The following SH3KBP1 variants were observed in gnomAD, a reference collection of about 807,000 sequenced individuals.
SH3KBP1 encodes the protein SH3 domain-containing kinase-binding protein 1.
In SH3KBP1, 8 loss-of-function variants were observed where a neutral mutation model predicts 50.1. That is an observed-to-expected ratio of 0.16 (90% CI 0.09 to 0.29). The LOEUF is 0.29. Ranked by LOEUF, SH3KBP1 falls within the 10% of genes least tolerant of loss-of-function variation. The probability of loss-of-function intolerance (pLI) is 1.00; values close to 1 mark genes in which losing one functional copy is unlikely to be tolerated. For missense variants in SH3KBP1, 377 were observed against 535.2 expected (o/e 0.70, Z 2.92); for synonymous variants, 227 against 218.6 (o/e 1.04, Z -0.34).
intron 16 of SH3KBP1, among the ~76,000 whole-genome samples, chrX:19,538,352 A>ACAC (rs2064779650): frequency 9.1e-6 from 1 of 109,988 alleles, no homozygotes; most frequent in Non-Finnish European, 1.9e-5. Context: ...CTACAAGCGC[A>ACAC]CACCACCATG....
intron 1 of SH3KBP1, among the ~76,000 whole-genome samples, chrX:19,861,356 G>A (rs1402963174): frequency 9.1e-6 from 1 of 109,372 alleles, no homozygotes; most frequent in Non-Finnish European, 1.9e-5. Flanking sequence ...CAGCCTGGGC[G>A]ACAGAGCAAG....
chrX:19,800,370 G>C (rs752334514), intron 2 of SH3KBP1, among the ~76,000 whole-genome samples: 5 of 112,266 alleles, frequency 4.5e-5, no homozygotes, highest in African/African-American at 1.6e-4. Context: ...AATTATACTT[G>C]AAAGTCCATT....
chrX:19,773,883 AAAAG>A (rs2065876793), intron 2 of SH3KBP1, among the ~76,000 whole-genome samples: 1 of 105,059 alleles, frequency 9.5e-6, no homozygotes, highest in Non-Finnish European at 2.0e-5. Flanking sequence ...AAAAAAAAAA[AAAAG>A]AATCATCATT....
At chrX:19,755,690 G>A (rs759710763) in intron 2 of SH3KBP1, among the ~76,000 whole-genome samples, 64 of 112,167 alleles carry the variant, frequency 5.7e-4, no homozygotes, top group African/African-American at 2.0e-3. Context: ...AAAGAGAAGC[G>A]AAACTAAAGG....
intron 3 of SH3KBP1, among the ~76,000 whole-genome samples, chrX:19,719,164 C>T (rs2063990850): frequency 9.0e-6 from 1 of 111,642 alleles, no homozygotes; most frequent in Admixed American, 9.5e-5. Context: ...CTGTCTGTCT[C>T]CATCTTTTCA....
chrX:19,826,685 AATAACATAACATAAC>A (rs3036641), intron 2 of SH3KBP1, among the ~76,000 whole-genome samples: 1,985 of 89,652 alleles, frequency 0.022, 26 homozygotes, highest in African/African-American at 0.034. Context: ...ACTGTCTCTA[AATAACATAACATAAC>A]ATAACATAAC....
intron 1 of SH3KBP1, among the ~76,000 whole-genome samples, chrX:19,856,120 T>A (rs745894473): frequency 1.1e-4 from 11 of 103,384 alleles, no homozygotes; most frequent in South Asian, 4.2e-4. Flanking sequence ...GGAAAGCTTT[T>A]AAAAAAAAAA....
intron 5 of SH3KBP1, among the ~76,000 whole-genome samples, chrX:19,688,189 A>T (rs2063208344): frequency 8.9e-6 from 1 of 111,889 alleles, no homozygotes; most frequent in Non-Finnish European, 1.9e-5. Flanking sequence ...TCATGTCCCC[A>T]AGATTCTAAA....
chrX:19,723,206 T>C (rs998640294), intron 3 of SH3KBP1, among the ~76,000 whole-genome samples: 1 of 110,460 alleles, frequency 9.1e-6, no homozygotes, highest in Non-Finnish European at 1.9e-5. Context: ...AATTCCACTT[T>C]CAGGAAGTTA....
intron 7 of SH3KBP1, among the ~76,000 whole-genome samples, chrX:19,636,596 A>G (rs1489627780): frequency 8.9e-6 from 1 of 112,153 alleles, no homozygotes; most frequent in Non-Finnish European, 1.9e-5. Flanking sequence ...ATAATATTAA[A>G]AACAGACTGT....
chrX:19,650,202 C>T (rs761565881), intron 6 of SH3KBP1, among the ~76,000 whole-genome samples: 4 of 111,981 alleles, frequency 3.6e-5, no homozygotes, highest in Non-Finnish European at 7.5e-5. Context: ...GTCTGAGAAG[C>T]TATCCATAGA....
intron 1 of SH3KBP1, among the ~76,000 whole-genome samples, chrX:19,851,722 A>G (rs1405324173): frequency 1.8e-5 from 2 of 111,400 alleles, no homozygotes; most frequent in Non-Finnish European, 3.8e-5. Context: ...TTTTTTGTAG[A>G]GAAGGGGTCT....
chrX:19,760,023 CCTCTCTCT>C (rs375944570), intron 2 of SH3KBP1, among the ~76,000 whole-genome samples: 1 of 83,582 alleles, frequency 1.2e-5, no homozygotes, highest in East Asian at 3.5e-4. Flanking sequence ...CTCTCTCTCT[CCTCTCTCT>C]CTCTCTCTCC....
intron 1 of SH3KBP1, among the ~76,000 whole-genome samples, chrX:19,851,965 G>A (rs1342031951): frequency 8.9e-6 from 1 of 111,798 alleles, no homozygotes; most frequent in Non-Finnish European, 1.9e-5. Context: ...TGTCCCTTGA[G>A]CTCTTCTAGA....
chrX:19,691,365 T>TAC (rs2063288730), intron 5 of SH3KBP1, among the ~76,000 whole-genome samples: 1 of 97,262 alleles, frequency 1.0e-5, no homozygotes, highest in African/African-American at 3.8e-5. Context: ...TCTATATATA[T>TAC]ATATATCTTT....
chrX:19,610,869 G>A (rs2067390696), intron 8 of SH3KBP1, among the ~76,000 whole-genome samples: 1 of 111,611 alleles, frequency 9.0e-6, no homozygotes, highest in African/African-American at 3.3e-5. Context: ...GCCCACAAAA[G>A]GCATTCAAAA....
intron 6 of SH3KBP1, among the ~76,000 whole-genome samples, chrX:19,671,204 G>A (rs150656111): frequency 8.2e-4 from 92 of 111,736 alleles, no homozygotes; most frequent in African/African-American, 2.9e-3. Context: ...TAGTGATCAC[G>A]TCTGTTTAAA....
intron 6 of SH3KBP1, among the ~76,000 whole-genome samples, 184 bp from the exon 7 acceptor site, chrX:19,645,659 AG>A (rs1219121678): frequency 1.8e-5 from 2 of 112,365 alleles, no homozygotes; most frequent in African/African-American, 6.5e-5. Context: ...ATGACAAACA[AG>A]GGAGAAAAAT....
chrX:19,875,390 G>A (rs937171598), intron 1 of SH3KBP1, among the ~76,000 whole-genome samples: 7 of 112,366 alleles, frequency 6.2e-5, no homozygotes, highest in African/African-American at 2.3e-4. Flanking sequence ...AGGATGGAAT[G>A]AACATCCTGG....
Sources: gnomAD v4.1 joint callset for allele counts (sites outside exome capture counted in the v4.1 genomes callset) on GRCh38, gnomAD v4.1.1 for gene constraint, MANE v1.5 for transcripts, NCBI Gene and HGNC (gene_info 2026-07-23, HGNC 2026-07-21) for gene names.